The following HSPA4L variants were observed in gnomAD, a reference collection of about 807,000 sequenced individuals.
HSPA4L encodes heat shock 70 kDa protein 4L.
A neutral mutation model predicts 100.3 loss-of-function variants in HSPA4L; 48 were observed. The ratio of observed to expected loss-of-function variants is 0.48; its 90% CI spans 0.38 to 0.61. The LOEUF is 0.61. Among genes scored for constraint, HSPA4L ranks in the 20% least tolerant of loss-of-function variants. The pLI is 0.00. For missense variants in HSPA4L, 886 were observed against 988.6 expected, an observed-to-expected ratio of 0.90 and a Z score of 1.39; for synonymous variants, 319 against 328.2, an observed-to-expected ratio of 0.97 and a Z score of 0.30.
chr4:127,803,324 T>C (rs143867866), intron 6 of HSPA4L, among the ~76,000 whole-genome samples: 1 of 150,950 alleles, frequency 6.6e-6, no homozygotes, highest in East Asian at 2.0e-4. Flanking sequence ...TGTTCAGTGC[T>C]GTTGTAGAAC....
In HSPA4L at chr4:127,795,853, G is replaced by A. The variant is rs750734128; in HGVS notation, c.251G>A (p.Arg84Lys). The A allele has an allele frequency of 2.5e-6, 4 of 1,613,734 alleles. No individual in the cohort carries two copies. The highest frequency in any genetic ancestry group is 1.7e-5 in the Admixed American group (1 of 60,020). The part of the protein sequence containing the change: ...SFDDPIVQTE[R>K]IRLPYELQKM... ...GATGATCCCATTGTGCAAACTGAAA[G>A]GATCAGGCTTCCCTATGAACTGCAG... The change falls in exon 3 of 19, where the codon AGG becomes AAG. Residue 84 changes from arginine (R) to lysine (K), a missense_variant. Transcript: ENST00000296464.
intron 4 of HSPA4L, 52 bp from the exon 5 acceptor site, chr4:127,801,086 G>T: frequency 7.4e-7 from 1 of 1,346,766 alleles, no homozygotes. Flanking sequence ...TTTTTCAGTT[G>T]ACAAAATGTT....
chr4:127,800,507 G>A (rs941184186), intron 4 of HSPA4L, among the ~76,000 whole-genome samples: 1 of 152,048 alleles, frequency 6.6e-6, no homozygotes, highest in Non-Finnish European at 1.5e-5. Flanking sequence ...ATATGTATGT[G>A]TGTATGTATG....
chr4:127,796,958 T>C (rs1324903037), intron 3 of HSPA4L, among the ~76,000 whole-genome samples: 1 of 152,222 alleles, frequency 6.6e-6, no homozygotes, highest in Non-Finnish European at 1.5e-5. Context: ...CTGTGCAAAT[T>C]ATCTCTTAAG....
chr4:127,810,983 A>T (rs943738803), intron 11 of HSPA4L, among the ~76,000 whole-genome samples: 1 of 152,202 alleles, frequency 6.6e-6, no homozygotes, highest in South Asian at 2.1e-4. Context: ...GTATTTTGCT[A>T]TAGGAAAAAT....
At position 127,801,850 on chromosome 4, in the gene HSPA4L, G is replaced by A. The variant is rs1164898333; in HGVS notation, c.595G>A (p.Val199Ile). The part of the protein sequence containing the change: ...PPLDEKPRNV[V>I]FIDMGHSAYQ... ...ATTAGATGAGAAACCAAGAAATGTA[G>A]TATTTATTGATATGGGACATTCTGC... Residue 199 changes from valine (V) to isoleucine (I), a missense_variant, in exon 6 of 19, where the codon GTA (valine) becomes ATA (isoleucine). By Grantham distance (29) the Val-to-Ile change is conservative. Coordinates refer to ENST00000296464, the MANE Select transcript of HSPA4L (RefSeq NM_014278.4). 1.2e-6 allele frequency: 2 copies of A among 1,608,708 alleles called. No individual in the cohort carries two copies. The highest frequency in any genetic ancestry group is 2.2e-5 in the East Asian group (1 of 44,802).
chr4:127,823,846 G>T (rs959324993), intron 16 of HSPA4L, among the ~76,000 whole-genome samples: 3 of 152,054 alleles, frequency 2.0e-5, no homozygotes, highest in Admixed American at 6.5e-5. Context: ...CTTTCTTTGG[G>T]GGGGAGAACA....
chr4:127,827,512 T>C (rs891660212), intron 17 of HSPA4L, 88 bp downstream of exon 17: 2 of 1,433,306 alleles, frequency 1.4e-6, no homozygotes, highest in Admixed American at 3.8e-5. Flanking sequence ...GCTACAAAGC[T>C]ATAGCAGTTG....
chr4:127,812,023 A>G (rs1486926467), intron 12 of HSPA4L, among the ~76,000 whole-genome samples: 1 of 152,190 alleles, frequency 6.6e-6, no homozygotes, highest in Non-Finnish European at 1.5e-5. Context: ...TAGATTGAAA[A>G]TACATGCTTA....
At chr4:127,806,663 A>G (rs1380155) in intron 10 of HSPA4L, among the ~76,000 whole-genome samples, 4,610 of 152,038 alleles carry the variant, frequency 0.03, 299 homozygotes, top group East Asian at 0.26. Context: ...TGAACTGCCC[A>G]GGATTTAGGT....
chr4:127,828,047 GACAA>G (rs1258835646), intron 17 of HSPA4L, among the ~76,000 whole-genome samples: 4 of 151,840 alleles, frequency 2.6e-5, no homozygotes, highest in East Asian at 1.9e-4. Flanking sequence ...CTTTTTTTAA[GACAA>G]ACAATATTTT....
chr4:127,801,583 T>C (rs1733183957), intron 5 of HSPA4L, among the ~76,000 whole-genome samples: 2 of 151,980 alleles, frequency 1.3e-5, no homozygotes, highest in Admixed American at 1.3e-4. Context: ...GCTTTACAAA[T>C]CTTTACTATT....
chr4:127,832,699 G>A lies in HSPA4L; in HGVS notation c.2345G>A (p.Cys782Tyr), dbSNP rs577791012. Residue 782 changes from cysteine (C) to tyrosine (Y), a missense_variant, in exon 19 of 19, where the codon TGT (cysteine) becomes TAT (tyrosine). By Grantham distance (194) the Cys-to-Tyr change is radical. Coordinates refer to ENST00000296464, the MANE Select transcript of HSPA4L (RefSeq NM_014278.4). Reference protein sequence around the residue: ...VAKSKELDNFCNPIIYKPKPK... With the variant: ...VAKSKELDNFYNPIIYKPKPK... Reference sequence around the variant, plus strand: ...TGTCTTTAGGAACTGGATAATTTCTGTAACCCCATCATTTACAAGCCCAAA... The same window carrying A: ...TGTCTTTAGGAACTGGATAATTTCTATAACCCCATCATTTACAAGCCCAAA... The A allele has an allele frequency of 4.4e-5, 70 of 1,608,230 alleles. No individual in the cohort carries two copies. Among genetic ancestry groups the A allele is most frequent in the Non-Finnish European group, 5.7e-5 (67 of 1,177,426 alleles).
chr4:127,827,354 C>G lies in HSPA4L; in HGVS notation c.2096C>G (p.Pro699Arg), dbSNP rs780763902. 6 of 1,613,372 alleles carry G rather than the reference C, an allele frequency of 3.7e-6. 1 individual carries two copies. The South Asian group carries it at 6.6e-5, about 18-fold the overall frequency. Residue 699 changes from proline (P) to arginine (R), a missense_variant, in exon 17 of 19, where the codon CCA (proline) becomes CGA (arginine). Coordinates refer to ENST00000296464, the MANE Select transcript of HSPA4L (RefSeq NM_014278.4). ...QMKYMEHEER[P>R]KALNDLGKKI... is the part of the protein sequence containing the mutation. ...AAGTACATGGAGCATGAAGAGAGAC[C>G]AAAAGCCTTAAATGACTTGGGAAAA...
At chr4:127,808,281 G>T (rs745569108) in intron 11 of HSPA4L, 152 bp downstream of exon 11, 5 of 659,284 alleles carry the variant, frequency 7.6e-6, no homozygotes, top group Non-Finnish European at 1.2e-5. Context: ...TGCATTTGTA[G>T]TGCTCAGTTT....
In HSPA4L at chr4:127,837,296, T is replaced by C. The variant is rs1734232709; in HGVS notation, c.*4422T>C. 1 of 152,228 alleles carries C rather than the reference T, an allele frequency of 6.6e-6. No individual in the cohort carries two copies. Among genetic ancestry groups the C allele is most frequent in the Non-Finnish European group, 1.5e-5 (1 of 68,034 alleles). The allele number at this position is 152,228 out of a possible 1,614,324, so 9.4% of individuals were successfully genotyped here. A position where few individuals can be genotyped will look rare whatever the true frequency, so the allele number is the denominator to read the frequency against. ...TAATGTTATTTTGTGGTTAAACTTC[T>C]AAAGTTTTGAACTGTAAGCAGAATT... On this transcript the variant is annotated 3_prime_UTR_variant, in exon 19 of 19. Transcript: ENST00000296464.
intron 12 of HSPA4L, among the ~76,000 whole-genome samples, chr4:127,815,491 CAA>C (rs752477051): frequency 1.3e-4 from 15 of 111,276 alleles, no homozygotes; most frequent in Admixed American, 9.7e-5. Context: ...ACATAGTCTG[CAA>C]AAAAAAAAAA....
At chr4:127,788,967 GGAAAA>G (rs1319945364) in intron 1 of HSPA4L, among the ~76,000 whole-genome samples, 2 of 152,140 alleles carry the variant, frequency 1.3e-5, no homozygotes. Flanking sequence ...GAACTGGCAA[GGAAAA>G]GAAAAGGGCT....
chr4:127,784,715 G>T (rs1321698405), intron 1 of HSPA4L, among the ~76,000 whole-genome samples: 1 of 152,120 alleles, frequency 6.6e-6, no homozygotes, highest in Non-Finnish European at 1.5e-5. Flanking sequence ...TTACTTTGTG[G>T]GTCCAATTGT....
Sources: gnomAD v4.1 joint callset for allele counts (sites outside exome capture counted in the v4.1 genomes callset) on GRCh38, gnomAD v4.1.1 for gene constraint, MANE v1.5 for transcripts, NCBI Gene and HGNC (gene_info 2026-07-23, HGNC 2026-07-21) for gene names.